Variants in CNTN4 observed in about 807,000 individuals in gnomAD.
The protein encoded by CNTN4 is contactin 4.
CNTN4 carries 77 observed loss-of-function variants against 122.5 expected under a neutral mutation model. The observed-to-expected ratio is 0.63, with a 90% CI of 0.52 to 0.76. CNTN4 has a LOEUF of 0.76. Among genes scored for constraint, CNTN4 ranks in the 30% least tolerant of loss-of-function variants. The probability of loss-of-function intolerance (pLI) is 0.00; values close to 1 mark genes in which losing one functional copy is unlikely to be tolerated. For synonymous variants in CNTN4, 512 were observed against 447.0 expected, an observed-to-expected ratio of 1.15 and a Z score of -1.83; for missense variants, 1,256 against 1,259.1, an observed-to-expected ratio of 1.00 and a Z score of 0.04.
At chr3:2,859,106 T>C (rs2093647134) in intron 7 of CNTN4, among the ~76,000 whole-genome samples, 1 of 152,244 alleles carries the variant, frequency 6.6e-6, no homozygotes, top group African/African-American at 2.4e-5. Context: ...CTACTCTCTG[T>C]TTCTATGTGT....
chr3:2,668,332 C>G lies in CNTN4; in HGVS notation c.56-67883C>G, dbSNP rs536201798. Among the ~76,000 whole-genome samples the G allele has an allele frequency of 1.9e-3, 287 of 152,038 alleles. 2 individuals are homozygous for G. The East Asian group carries it at 0.026, about 14-fold the overall frequency. ...CATCCTTTGTAAGTTGGATTCCTAG[C>G]TATTTTATTCTCTTTGAAGCAATTG... On this transcript the variant is annotated intron_variant, in intron 4 of 24. Coordinates refer to ENST00000418658, the MANE Select transcript of CNTN4 (RefSeq NM_175607.3).
At chr3:2,150,246 T>C (rs1035627490) in intron 2 of CNTN4, among the ~76,000 whole-genome samples, 2 of 152,178 alleles carry the variant, frequency 1.3e-5, no homozygotes, top group African/African-American at 4.8e-5. Flanking sequence ...ATTTAGTTCA[T>C]AGAACACTGT....
intron 4 of CNTN4, among the ~76,000 whole-genome samples, chr3:2,715,020 A>T (rs2087403757): frequency 6.6e-6 from 1 of 152,216 alleles, no homozygotes; most frequent in African/African-American, 2.4e-5. Flanking sequence ...TTAGACTTCA[A>T]CAGCATTTGG....
chr3:2,974,364 A>G (rs1693218425), intron 13 of CNTN4, among the ~76,000 whole-genome samples: 1 of 152,232 alleles, frequency 6.6e-6, no homozygotes, highest in African/African-American at 2.4e-5. Context: ...ATAATAACAG[A>G]AATGATCTTT....
chr3:2,324,013 C>A (rs532309719), intron 2 of CNTN4, among the ~76,000 whole-genome samples: 28 of 152,166 alleles, frequency 1.8e-4, no homozygotes, highest in Non-Finnish European at 3.1e-4. Context: ...CTAGATAAAT[C>A]TTGGTTATGG....
Position 3,057,226 on chromosome 3 carries a change from T to C in CNTN4, c.*1006T>C, listed in dbSNP as rs746409962. 3 of 152,644 alleles carry C rather than the reference T, an allele frequency of 2.0e-5. No homozygotes were observed. The highest frequency in any genetic ancestry group is 6.5e-5 in the Admixed American group (1 of 15,282). The allele number at this position is 152,644 out of a possible 1,614,324, so 9.5% of individuals were successfully genotyped here. A position where few individuals can be genotyped will look rare whatever the true frequency, so the allele number is the denominator to read the frequency against. On this transcript the variant is annotated 3_prime_UTR_variant, in exon 25 of 25. Transcript: ENST00000418658. ...TATAATATGTGTATCTCTGTAATAA[T>C]AGAGCCCTTCTTTTGAATCAAAATT...
At chr3:2,433,322 T>C (rs1487618274) in intron 3 of CNTN4, among the ~76,000 whole-genome samples, 2 of 152,238 alleles carry the variant, frequency 1.3e-5, no homozygotes, top group African/African-American at 4.8e-5. Context: ...TCTTCCATAA[T>C]TGTTCTAACA....
At chr3:2,601,978 C>T (rs1381994455) in intron 4 of CNTN4, among the ~76,000 whole-genome samples, 1 of 152,052 alleles carries the variant, frequency 6.6e-6, no homozygotes, top group Non-Finnish European at 1.5e-5. Context: ...ATAAACAGAA[C>T]CAATGACAAA....
At chr3:2,755,207 G>C (rs2090278391) in intron 6 of CNTN4, among the ~76,000 whole-genome samples, 1 of 152,132 alleles carries the variant, frequency 6.6e-6, no homozygotes, top group South Asian at 2.1e-4. Context: ...CAGAACAGTA[G>C]CTGGGAGTTT....
chr3:2,303,473 T>C (rs2042597733), intron 2 of CNTN4, among the ~76,000 whole-genome samples: 1 of 152,206 alleles, frequency 6.6e-6, no homozygotes, highest in Admixed American at 6.5e-5. Flanking sequence ...GACTGACTTA[T>C]TTCACTTAGT....
intron 13 of CNTN4, among the ~76,000 whole-genome samples, chr3:2,968,992 C>T (rs538168604): frequency 4.8e-4 from 73 of 152,276 alleles, no homozygotes; most frequent in African/African-American, 1.7e-3. Context: ...ATTTACATTC[C>T]ATAAAATTCA....
chr3:2,395,396 A>C (rs2046604692), intron 3 of CNTN4, among the ~76,000 whole-genome samples: 1 of 152,128 alleles, frequency 6.6e-6, no homozygotes. Flanking sequence ...TAGAGTGATA[A>C]AAGTATTTTA....
In CNTN4 at chr3:2,866,862, G is replaced by T. The variant is rs776112548; in HGVS notation, c.565G>T (p.Val189Phe). 6.2e-7 allele frequency: 1 copy of T among 1,614,052 alleles called. No homozygotes were observed. The highest frequency in any genetic ancestry group is 8.5e-7 in the Non-Finnish European group (1 of 1,179,940). ...LYIAKVEKSD[V>F]GNYTCVVTNT... The stretch of plus-strand genomic sequence containing the variant: ...TATTGCCAAAGTAGAAAAATCAGAT[G>T]TTGGGAATTATACCTGTGTGGTTAC... Residue 189 changes from valine (V) to phenylalanine (F), a missense_variant, in exon 8 of 25, where the codon GTT becomes TTT. Coordinates refer to ENST00000418658, the MANE Select transcript of CNTN4 (RefSeq NM_175607.3).
At chr3:2,509,528 TAATA>T (rs535410360) in intron 3 of CNTN4, among the ~76,000 whole-genome samples, 38 of 152,338 alleles carry the variant, frequency 2.5e-4, no homozygotes, top group African/African-American at 8.9e-4. Flanking sequence ...TAACTATTGG[TAATA>T]AATCTATTCG....
rs191501936 is a variant in CNTN4, at chr3:2,840,424, G to A, written c.454+20843G>A. Among the ~76,000 whole-genome samples, 581 of 151,076 alleles carry A rather than the reference G, an allele frequency of 3.8e-3. 5 individuals are homozygous for A. The highest frequency in any genetic ancestry group is 0.013 in the African/African-American group (548 of 40,910). ...TCCTTCTTTTAGAAAAGCTGGGGCC[G>A]GCGCGGTGGCTCACGCCTGTCATCC... On this transcript the variant is annotated intron_variant, in intron 7 of 24. Transcript: ENST00000418658.
intron 2 of CNTN4, among the ~76,000 whole-genome samples, chr3:2,219,371 C>A (rs1281416004): frequency 2.0e-5 from 3 of 152,142 alleles, no homozygotes; most frequent in Non-Finnish European, 4.4e-5. Context: ...GTCAGATATT[C>A]TCTAAGTGAG....
chr3:2,432,304 T>C (rs1185382481), intron 3 of CNTN4, among the ~76,000 whole-genome samples: 4 of 152,228 alleles, frequency 2.6e-5, no homozygotes, highest in Admixed American at 1.3e-4. Flanking sequence ...GTTTTGTATA[T>C]GCTAGATGTT....
At chr3:2,314,788 G>A (rs139744579) in intron 2 of CNTN4, among the ~76,000 whole-genome samples, 6 of 151,870 alleles carry the variant, frequency 4.0e-5, no homozygotes, top group East Asian at 1.9e-4. Flanking sequence ...AAAAAATTGC[G>A]ATATCTCTAA....
chr3:2,917,614 A>C (rs1487197878), intron 12 of CNTN4, among the ~76,000 whole-genome samples: 1 of 152,152 alleles, frequency 6.6e-6, no homozygotes, highest in East Asian at 1.9e-4. Flanking sequence ...TAGTGGATGG[A>C]GTTCCGGAGG....
Sources: gnomAD v4.1 joint callset for allele counts (sites outside exome capture counted in the v4.1 genomes callset) on GRCh38, gnomAD v4.1.1 for gene constraint, MANE v1.5 for transcripts, NCBI Gene and HGNC (gene_info 2026-07-23, HGNC 2026-07-21) for gene names.